The following PCSK2 variants were observed in gnomAD, a reference collection of about 807,000 sequenced individuals.
The protein encoded by PCSK2 is neuroendocrine convertase 2.
Under a neutral mutation model 69.7 loss-of-function variants are expected in PCSK2, and 14 were observed. The ratio of observed to expected loss-of-function variants is 0.20; its 90% confidence interval spans 0.13 to 0.31. PCSK2 has a LOEUF of 0.31. Among genes scored for constraint, PCSK2 ranks in the 10% least tolerant of loss-of-function variants. PCSK2 has a pLI of 1.00. For missense variants in PCSK2, 544 were observed against 842.5 expected (o/e 0.65, Z 4.39); for synonymous variants, 307 against 320.7 (o/e 0.96, Z 0.46).
At chr20:17,402,610 G>A (rs1165600776) in intron 5 of PCSK2, among the ~76,000 whole-genome samples, 1 of 142,198 alleles carries the variant, frequency 7.0e-6, no homozygotes, top group Non-Finnish European at 1.5e-5. Context: ...GCAGTGAGCT[G>A]AGATTATGCC....
At chr20:17,452,978 T>C (rs1053247448) in intron 8 of PCSK2, among the ~76,000 whole-genome samples, 1 of 152,256 alleles carries the variant, frequency 6.6e-6, no homozygotes, top group African/African-American at 2.4e-5. Flanking sequence ...TGCTTACTAC[T>C]GTGTGTTTAA....
intron 2 of PCSK2, among the ~76,000 whole-genome samples, chr20:17,341,189 A>G (rs1990501527): frequency 6.6e-6 from 1 of 152,210 alleles, no homozygotes; most frequent in Non-Finnish European, 1.5e-5. Flanking sequence ...GCAGTGAGCC[A>G]AGACCGCACC....
intron 11 of PCSK2, among the ~76,000 whole-genome samples, chr20:17,477,812 C>T (rs370352351): frequency 1.3e-5 from 2 of 152,222 alleles, no homozygotes; most frequent in East Asian, 3.9e-4. Flanking sequence ...ATTTTGTGTG[C>T]AGGGTTAAGT....
intron 2 of PCSK2, among the ~76,000 whole-genome samples, chr20:17,269,775 T>C (rs937677667): frequency 6.6e-6 from 1 of 152,100 alleles, no homozygotes; most frequent in African/African-American, 2.4e-5. Context: ...CTGTTTGACA[T>C]GTCAAGGGAA....
intron 2 of PCSK2, among the ~76,000 whole-genome samples, chr20:17,347,796 GAAAGA>G (rs1451813598): frequency 2.3e-5 from 1 of 43,702 alleles, no homozygotes; most frequent in Non-Finnish European, 5.0e-5. Flanking sequence ...ACGAAAGAAA[GAAAGA>G]AAGAAAGAAA....
At chr20:17,399,937 T>C (rs2031597574) in intron 5 of PCSK2, among the ~76,000 whole-genome samples, 1 of 152,172 alleles carries the variant, frequency 6.6e-6, no homozygotes, top group Non-Finnish European at 1.5e-5. Flanking sequence ...AAGAAACAGG[T>C]TGAACCCTGC....
intron 5 of PCSK2, among the ~76,000 whole-genome samples, 192 bp from the exon 6 acceptor site, chr20:17,409,071 G>A (rs568953732): frequency 2.0e-5 from 3 of 152,204 alleles, no homozygotes; most frequent in Non-Finnish European, 4.4e-5. Context: ...AAGCCTGAAA[G>A]AGAATATCAA....
At chr20:17,370,319 T>C (rs1213159464) in intron 5 of PCSK2, among the ~76,000 whole-genome samples, 1 of 152,190 alleles carries the variant, frequency 6.6e-6, no homozygotes, top group Non-Finnish European at 1.5e-5. Context: ...TCATTTGTCC[T>C]GGAAGGCGAG....
chr20:17,348,107 A>AAAG, intron 2 of PCSK2, among the ~76,000 whole-genome samples: 1 of 147,920 alleles, frequency 6.8e-6, no homozygotes, highest in Non-Finnish European at 1.5e-5. Flanking sequence ...AAGAAAGAAA[A>AAAG]GAAAAGAAAG....
chr20:17,257,882 T>C (rs1330017324), intron 1 of PCSK2, among the ~76,000 whole-genome samples: 1 of 152,228 alleles, frequency 6.6e-6, no homozygotes, highest in Non-Finnish European at 1.5e-5. Flanking sequence ...GGACATCTTA[T>C]TCCCTAGATT....
intron 2 of PCSK2, among the ~76,000 whole-genome samples, chr20:17,287,704 C>T (rs949690983): frequency 6.6e-6 from 1 of 152,186 alleles, no homozygotes; most frequent in African/African-American, 2.4e-5. Flanking sequence ...TGGCGCTGTC[C>T]TTTCTCAGGA....
chr20:17,367,737 ATCC>A (rs1450054243), intron 4 of PCSK2, among the ~76,000 whole-genome samples: 19 of 152,154 alleles, frequency 1.2e-4, no homozygotes, highest in Admixed American at 3.3e-4. Context: ...GCCTCAAGCA[ATCC>A]TCCTGCCTCA....
At chr20:17,231,010 T>G (rs1288982115) in intron 1 of PCSK2, among the ~76,000 whole-genome samples, 1 of 152,224 alleles carries the variant, frequency 6.6e-6, no homozygotes, top group Non-Finnish European at 1.5e-5. Context: ...AAGAGTGCCT[T>G]AAAATTCTCA....
At chr20:17,415,291 G>A (rs1490087676) in intron 6 of PCSK2, among the ~76,000 whole-genome samples, 11 of 152,174 alleles carry the variant, frequency 7.2e-5, no homozygotes, top group African/African-American at 1.4e-4. Flanking sequence ...AAACCCCATC[G>A]TCTCAGCCCA....
At chr20:17,404,135 AC>A (rs1288079057) in intron 5 of PCSK2, among the ~76,000 whole-genome samples, 2 of 152,086 alleles carry the variant, frequency 1.3e-5, no homozygotes, top group East Asian at 3.9e-4. Flanking sequence ...TCCAATGCAG[AC>A]CCTAGTTGCT....
chr20:17,475,452 G>T (rs895754421), intron 11 of PCSK2, among the ~76,000 whole-genome samples: 1 of 152,032 alleles, frequency 6.6e-6, no homozygotes, highest in Non-Finnish European at 1.5e-5. Context: ...ATCATAAGAA[G>T]TCATCTCAGC....
At chr20:17,394,789 C>A (rs1393801552) in intron 5 of PCSK2, among the ~76,000 whole-genome samples, 1 of 152,204 alleles carries the variant, frequency 6.6e-6, no homozygotes, top group Non-Finnish European at 1.5e-5. Context: ...ATGTGCCCAG[C>A]TTCTAAATGA....
At chr20:17,236,022 CAAG>C (rs944873104) in intron 1 of PCSK2, among the ~76,000 whole-genome samples, 1 of 151,938 alleles carries the variant, frequency 6.6e-6, no homozygotes, top group Non-Finnish European at 1.5e-5. Context: ...TAAAAAAATA[CAAG>C]AAGGTCTTTT....
At chr20:17,258,553 T>C (rs1482649167) in intron 1 of PCSK2, among the ~76,000 whole-genome samples, 1 of 152,136 alleles carries the variant, frequency 6.6e-6, no homozygotes, top group Non-Finnish European at 1.5e-5. Context: ...GCCCATGTAA[T>C]GGAATAATAT....
Sources: allele counts gnomAD v4.1 joint callset (sites outside exome capture counted in the v4.1 genomes callset), GRCh38; gene constraint gnomAD v4.1.1; transcripts MANE v1.5; gene names NCBI Gene and HGNC (gene_info 2026-07-23, HGNC 2026-07-21).